VPS53: variants seen among roughly 807,000 people sequenced by gnomAD.
The protein encoded by VPS53 is vacuolar protein sorting-associated protein 53 homolog.
In VPS53, 70 loss-of-function variants were observed where a neutral mutation model predicts 107.0. The observed-to-expected ratio is 0.65, with a 90% CI of 0.54 to 0.80. VPS53 has a LOEUF of 0.80. Among genes scored for constraint, VPS53 ranks in the 30% least tolerant of loss-of-function variants. VPS53 has a pLI of 0.00. For synonymous variants in VPS53, 409 were observed against 393.3 expected (o/e 1.04, Z -0.47); for missense variants, 917 against 1,049.4 (o/e 0.87, Z 1.74).
intron 7 of VPS53, among the ~76,000 whole-genome samples, chr17:642,870 T>G (rs71355287): frequency 4.5e-3 from 330 of 72,930 alleles, no homozygotes; most frequent in East Asian, 0.012. Context: ...TACTTGGAAA[T>G]CGAGGACAAC....
At chr17:683,077 C>G (rs1237892311) in intron 4 of VPS53, among the ~76,000 whole-genome samples, 1 of 152,050 alleles carries the variant, frequency 6.6e-6, no homozygotes, top group Non-Finnish European at 1.5e-5. Flanking sequence ...GATTGGTGAA[C>G]TTTAAGGTGG....
At chr17:565,792 T>G (rs1597310585) in intron 13 of VPS53, among the ~76,000 whole-genome samples, 1 of 152,118 alleles carries the variant, frequency 6.6e-6, no homozygotes, top group Non-Finnish European at 1.5e-5. Context: ...CCACCACCTG[T>G]CCACTCCCCT....
intron 13 of VPS53, among the ~76,000 whole-genome samples, chr17:565,656 C>T (rs1325646163): frequency 2.0e-5 from 3 of 152,106 alleles, no homozygotes. Flanking sequence ...CCCAACACTC[C>T]AGCCAGAGGT....
chr17:611,729 CAT>C (rs1422667273), intron 11 of VPS53, among the ~76,000 whole-genome samples: 4 of 152,244 alleles, frequency 2.6e-5, no homozygotes, highest in South Asian at 2.1e-4. Context: ...CAAATATTCA[CAT>C]AGTGAGTTCA....
intron 4 of VPS53, among the ~76,000 whole-genome samples, chr17:682,370 C>T (rs1427846234): frequency 6.6e-6 from 1 of 152,064 alleles, no homozygotes; most frequent in Non-Finnish European, 1.5e-5. Flanking sequence ...AACTGAAAAC[C>T]ACAACTTTTC....
intron 4 of VPS53, among the ~76,000 whole-genome samples, chr17:668,307 G>A (rs1379164914): frequency 6.6e-6 from 1 of 152,154 alleles, no homozygotes; most frequent in Non-Finnish European, 1.5e-5. Flanking sequence ...GCAAGGCTAT[G>A]GCACAGTGGG....
intron 17 of VPS53, among the ~76,000 whole-genome samples, chr17:547,487 A>G (rs948544882): frequency 2.0e-5 from 3 of 152,142 alleles, no homozygotes; most frequent in Non-Finnish European, 4.4e-5. Context: ...ATCTATAGAG[A>G]CAGAAAGTAG....
chr17:519,054 C>G lies in VPS53; in HGVS notation c.*74G>C, dbSNP rs1014097778. Reference sequence around the variant, plus strand: ...GACGATGTGAGAGTGCCGGGGAGCACAGGAGAGGTTGGGGGCTTCTGGGGA... The same window carrying G: ...GACGATGTGAGAGTGCCGGGGAGCAGAGGAGAGGTTGGGGGCTTCTGGGGA... On this transcript the variant is annotated 3_prime_UTR_variant, in exon 22 of 22. Transcript: ENST00000437048. This position sits in a 1 kb window ranked among gnomAD's most constrained non-coding sequence, Gnocchi z 5.0. 5 of 1,424,466 alleles carry G rather than the reference C, an allele frequency of 3.5e-6. No individual in the cohort carries two copies. In the Admixed American group the frequency reaches 8.9e-5, roughly 25 times the overall value. 88.2% of individuals were successfully genotyped at this position (1,424,466 alleles called of 1,614,324 possible).
chr17:519,076 G>A lies in VPS53; in HGVS notation c.*52C>T. 1 of 1,452,742 alleles carries A rather than the reference G, an allele frequency of 6.9e-7. No homozygotes were observed. The highest frequency in any genetic ancestry group is 9.1e-7 in the Non-Finnish European group (1 of 1,098,486). 90.0% of individuals were successfully genotyped at this position (1,452,742 alleles called of 1,614,324 possible). A position where few individuals can be genotyped will look rare whatever the true frequency, so the allele number is the denominator to read the frequency against. ...GCACAGGAGAGGTTGGGGGCTTCTG[G>A]GGAACGGGCGCTGAGGGTCTCCAGC... On this transcript the variant is annotated 3_prime_UTR_variant, in exon 22 of 22. Transcript: ENST00000437048. This position sits in a 1 kb window ranked among gnomAD's most constrained non-coding sequence, Gnocchi z 5.0.
chr17:614,883 G>A (rs970716686), intron 11 of VPS53, among the ~76,000 whole-genome samples: 2 of 152,166 alleles, frequency 1.3e-5, no homozygotes, highest in African/African-American at 4.8e-5. Flanking sequence ...TTATGCAGTG[G>A]TCAAGAGGAA....
At chr17:570,850 T>C (rs1267511910) in intron 13 of VPS53, among the ~76,000 whole-genome samples, 4 of 152,212 alleles carry the variant, frequency 2.6e-5, no homozygotes, top group Non-Finnish European at 1.5e-5. Context: ...TTGATAGCTG[T>C]ACTGTGGTTA....
Position 517,451 on chromosome 17 carries a change from G to A in VPS53, c.*1677C>T. On this transcript the variant is annotated 3_prime_UTR_variant, in exon 22 of 22. Coordinates refer to ENST00000437048, the MANE Select transcript of VPS53 (RefSeq NM_001128159.3). ...TGGGGATGAGGAAATCAGGTTTCCA[G>A]GCAGATTTCCAAACCTTATTCCTAC... The A allele has an allele frequency of 2.5e-6, 1 of 398,734 alleles. No individual in the cohort carries two copies. 24.7% of individuals were successfully genotyped at this position (398,734 alleles called of 1,614,324 possible).
chr17:657,225 C>A (rs1193518232), intron 5 of VPS53: 1 of 1,343,674 alleles, frequency 7.4e-7, no homozygotes, highest in African/African-American at 1.4e-5. Flanking sequence ...ACAACTTGTA[C>A]TTGGTCTCCT....
At chr17:675,951 T>C (rs778509776) in intron 4 of VPS53, among the ~76,000 whole-genome samples, 5 of 152,002 alleles carry the variant, frequency 3.3e-5, no homozygotes, top group Non-Finnish European at 7.4e-5. Context: ...TACGATGCAA[T>C]ACAGAAACAG....
At chr17:628,357 T>C in intron 8 of VPS53, 126 bp from the exon 9 acceptor site, 1 of 1,153,680 alleles carries the variant, frequency 8.7e-7, no homozygotes, top group Non-Finnish European at 1.2e-6. Context: ...ACACTCATTC[T>C]TTCTGCTGTG....
intron 4 of VPS53, among the ~76,000 whole-genome samples, chr17:697,032 T>C (rs1401418202): frequency 1.3e-5 from 2 of 152,166 alleles, no homozygotes; most frequent in African/African-American, 4.8e-5. Flanking sequence ...TACGAGGAAA[T>C]GGTAACTATG....
rs960664800 is a variant in VPS53, at chr17:714,804, C to T, written c.-95G>A. On this transcript the variant is annotated 5_prime_UTR_variant, in exon 1 of 22. Coordinates refer to ENST00000437048, the MANE Select transcript of VPS53 (RefSeq NM_001128159.3). ...CAGCACAGCAACTCCCTCGCGGCAGCGACCTGGTGAGCCCGGCTCCGTCAG... is the reference window on the plus strand; with the variant it reads ...CAGCACAGCAACTCCCTCGCGGCAGTGACCTGGTGAGCCCGGCTCCGTCAG... 51 of 1,396,398 alleles carry T rather than the reference C, an allele frequency of 3.7e-5. No individual in the cohort carries two copies. Among genetic ancestry groups the T allele is most frequent in the Non-Finnish European group, 4.4e-5 (44 of 989,934 alleles). The allele number at this position is 1,396,398 out of a possible 1,614,324, so 86.5% of individuals were successfully genotyped here.
chr17:567,557 G>A (rs968514333), intron 13 of VPS53, among the ~76,000 whole-genome samples: 1 of 150,932 alleles, frequency 6.6e-6, no homozygotes, highest in Non-Finnish European at 1.5e-5. Context: ...ACAAAGTGCA[G>A]TGGCATGATC....
chr17:536,722 G>A (rs1248950671), intron 18 of VPS53: 1 of 294,984 alleles, frequency 3.4e-6, no homozygotes, highest in East Asian at 8.2e-5. Context: ...CAACCCAGTT[G>A]AGTATGACAC....
Sources: gnomAD v4.1 joint callset for allele counts (sites outside exome capture counted in the v4.1 genomes callset) on GRCh38, gnomAD v4.1.1 for gene constraint, Gnocchi (gnomAD v3.1) non-coding constraint, MANE v1.5 for transcripts, NCBI Gene and HGNC (gene_info 2026-07-23, HGNC 2026-07-21) for gene names.